Variants in EYS observed in about 807,000 individuals in gnomAD.
EYS encodes EGF-like photoreceptor maintenance factor, also known as protein eyes shut homolog.
In EYS, 250 loss-of-function variants were observed where a neutral mutation model predicts 282.1. The observed-to-expected ratio is 0.89, with a 90% CI of 0.80 to 0.98. The LOEUF is 0.98. Ranked by LOEUF, EYS falls within the 50% of genes least tolerant of loss-of-function variation. The pLI, the probability that EYS is intolerant of heterozygous loss-of-function variation, is 0.00. For missense variants in EYS, 4,016 were observed against 3,709.0 expected (o/e 1.08, Z -2.15); for synonymous variants, 1,355 against 1,282.9 (o/e 1.06, Z -1.20).
At chr6:65,065,002 G>A (rs1025093005) in intron 12 of EYS, among the ~76,000 whole-genome samples, 8 of 152,068 alleles carry the variant, frequency 5.3e-5, no homozygotes, top group Non-Finnish European at 1.0e-4. Flanking sequence ...CAGACACTAG[G>A]CATGGAAGTG....
intron 35 of EYS, among the ~76,000 whole-genome samples, chr6:63,876,937 G>A (rs547488520): frequency 6.6e-6 from 1 of 152,210 alleles, no homozygotes; most frequent in East Asian, 1.9e-4. Context: ...GCTAGTCTGT[G>A]TCTTTTAATT....
At chr6:64,716,391 C>T (rs1040650339) in intron 22 of EYS, among the ~76,000 whole-genome samples, 150 of 152,304 alleles carry the variant, frequency 9.8e-4, no homozygotes, top group African/African-American at 3.6e-3. Context: ...CATGCACCTC[C>T]TGAAAAATAT....
chr6:64,628,216 T>C (rs1028452663), intron 22 of EYS, among the ~76,000 whole-genome samples: 1 of 150,322 alleles, frequency 6.7e-6, no homozygotes, highest in African/African-American at 2.4e-5. Flanking sequence ...AACCTCCCCA[T>C]CTTTGTAGCA....
intron 26 of EYS, among the ~76,000 whole-genome samples, chr6:64,545,944 G>T (rs1764846460): frequency 6.6e-6 from 1 of 152,134 alleles, no homozygotes; most frequent in South Asian, 2.1e-4. Flanking sequence ...TGGCCATACT[G>T]CCCAAGGTAA....
chr6:64,085,340 G>GCGCACACACAAACACACACACACA (rs112388321), intron 31 of EYS, among the ~76,000 whole-genome samples: 1 of 139,814 alleles, frequency 7.2e-6, no homozygotes, highest in Non-Finnish European at 1.5e-5. Flanking sequence ...ACGTGCGCGC[G>GCGCACACACAAACACACACACACA]CACACACACA....
intron 40 of EYS, among the ~76,000 whole-genome samples, chr6:63,776,853 C>A (rs1770077726): frequency 6.6e-6 from 1 of 152,004 alleles, no homozygotes; most frequent in Non-Finnish European, 1.5e-5. Context: ...AAAAAACCCC[C>A]AAAATACTTA....
intron 2 of EYS, among the ~76,000 whole-genome samples, chr6:65,513,881 A>G (rs1209762592): frequency 6.6e-6 from 1 of 152,218 alleles, no homozygotes; most frequent in African/African-American, 2.4e-5. Flanking sequence ...AAACTGGCAC[A>G]AGACAGGGCT....
At chr6:64,080,496 T>C (rs1216891061) in intron 32 of EYS, among the ~76,000 whole-genome samples, 4 of 152,064 alleles carry the variant, frequency 2.6e-5, no homozygotes, top group Non-Finnish European at 2.9e-5. Context: ...TTTTCTCCCA[T>C]TCTGTAGGTT....
chr6:64,028,170 C>G (rs1374761704), intron 33 of EYS, among the ~76,000 whole-genome samples: 1 of 152,158 alleles, frequency 6.6e-6, no homozygotes, highest in South Asian at 2.1e-4. Context: ...CATTTGTTGT[C>G]CCCTACTTGA....
intron 26 of EYS, among the ~76,000 whole-genome samples, chr6:64,500,667 GTCC>G (rs1204404814): frequency 2.0e-5 from 3 of 152,060 alleles, no homozygotes; most frequent in Non-Finnish European, 4.4e-5. Context: ...CACCAAGTAA[GTCC>G]TCCTAGAAAG....
rs529081586 is a variant in EYS, at chr6:64,051,050, A to G, written c.6725+15288T>C. 6.6e-5 allele frequency among the ~76,000 whole-genome samples: 10 copies of G among 152,300 alleles called. No homozygotes were observed. In the South Asian group the frequency reaches 2.1e-3, roughly 32 times the overall value. ...GATTATCTGGTAGCTGATACGTTGA[A>G]TGATGAATGTAGGGAATAGTTAGGA... is the stretch of plus-strand genomic sequence containing the variant. On this transcript the variant is annotated intron_variant, in intron 33 of 42. Transcript: ENST00000503581.
At chr6:64,540,475 ATTTTTTTTTTT>A (rs397888030) in intron 26 of EYS, among the ~76,000 whole-genome samples, 8 of 83,496 alleles carry the variant, frequency 9.6e-5, no homozygotes, top group Non-Finnish European at 1.6e-4. Context: ...CCAAGTACAG[ATTTTTTTTTTT>A]TTTTTTTTTT....
intron 5 of EYS, among the ~76,000 whole-genome samples, chr6:65,443,730 G>A (rs1562187296): frequency 1.5e-5 from 1 of 68,166 alleles, no homozygotes; most frequent in Non-Finnish European, 3.3e-5. Context: ...ATACACATAC[G>A]TGCATATACA....
chr6:64,383,315 A>C (rs1772810630), intron 29 of EYS, among the ~76,000 whole-genome samples: 1 of 152,150 alleles, frequency 6.6e-6, no homozygotes, highest in Admixed American at 6.5e-5. Flanking sequence ...ACAAACAAAC[A>C]AACAAAAAAT....
intron 31 of EYS, among the ~76,000 whole-genome samples, chr6:64,172,217 T>C (rs1163558005): frequency 6.6e-6 from 1 of 152,178 alleles, no homozygotes; most frequent in East Asian, 1.9e-4. Flanking sequence ...TCATCTTTTT[T>C]TTTTAATTCT....
intron 31 of EYS, among the ~76,000 whole-genome samples, chr6:64,086,510 A>C (rs553359366): frequency 6.6e-6 from 1 of 152,242 alleles, no homozygotes; most frequent in South Asian, 2.1e-4. Flanking sequence ...ATCTCCTGCT[A>C]AGGTTGAACC....
chr6:63,889,883 C>G (rs909185070), intron 35 of EYS, among the ~76,000 whole-genome samples: 1 of 151,744 alleles, frequency 6.6e-6, no homozygotes, highest in East Asian at 1.9e-4. Flanking sequence ...ACCCATCTCA[C>G]GTACAAAGTC....
Position 63,920,782 on chromosome 6 carries a change from A to C in EYS, c.7056-56424T>G, listed in dbSNP as rs560020169. On this transcript the variant is annotated intron_variant, in intron 35 of 42. Coordinates refer to ENST00000503581, the MANE Select transcript of EYS (RefSeq NM_001142800.2). ...TAATTTCACACTTGGTCCACCTAGG[A>C]CAGGCCGTGTGGCTGTGTGTGATGA... 1.1e-4 allele frequency among the ~76,000 whole-genome samples: 16 copies of C among 152,266 alleles called. 2 individuals carry two copies. In the South Asian group the frequency reaches 2.7e-3, roughly 26 times the overall value.
chr6:64,130,971 G>A (rs1310050037), intron 31 of EYS, among the ~76,000 whole-genome samples: 3 of 152,122 alleles, frequency 2.0e-5, no homozygotes, highest in Non-Finnish European at 2.9e-5. Flanking sequence ...GGGTTCAAGC[G>A]ATTCTCCTGC....
Sources: allele counts gnomAD v4.1 joint callset (sites outside exome capture counted in the v4.1 genomes callset), GRCh38; gene constraint gnomAD v4.1.1; transcripts MANE v1.5; gene names NCBI Gene and HGNC (gene_info 2026-07-23, HGNC 2026-07-21).